The following FAM53A variants were observed in gnomAD, a reference collection of about 807,000 sequenced individuals.
FAM53A encodes family with sequence similarity 53 member A, also known as protein FAM53A.
FAM53A carries 28 observed loss-of-function variants against 26.6 expected under a neutral mutation model. The observed-to-expected ratio is 1.05, with a 90% CI of 0.78 to 1.45. FAM53A has a LOEUF of 1.45. Among genes scored for constraint, FAM53A ranks in the 40% most tolerant of loss-of-function variants. The probability of loss-of-function intolerance (pLI) is 0.00; values close to 1 mark genes in which losing one functional copy is unlikely to be tolerated. For synonymous variants in FAM53A, 290 were observed against 253.1 expected (o/e 1.15, Z -1.38); for missense variants, 650 against 575.8 (o/e 1.13, Z -1.32).
chr4:1,670,481 TGCA>T (rs1388295132), intron 1 of FAM53A, among the ~76,000 whole-genome samples: 1 of 152,228 alleles, frequency 6.6e-6, no homozygotes, highest in African/African-American at 2.4e-5. Flanking sequence ...GCAGGGTCTG[TGCA>T]CAGGTCCTGA....
intron 4 of FAM53A, among the ~76,000 whole-genome samples, chr4:1,649,359 G>A (rs1712547258): frequency 6.6e-6 from 1 of 152,244 alleles, no homozygotes; most frequent in African/African-American, 2.4e-5. Flanking sequence ...AGGGGTGGGA[G>A]GCACCAGAGC....
downstream of FAM53A, among the ~76,000 whole-genome samples, chr4:1,615,092 C>T (rs569659457): frequency 2.7e-5 from 4 of 147,756 alleles, no homozygotes; most frequent in Non-Finnish European, 6.0e-5. Flanking sequence ...GACACGACCA[C>T]GCCCACCTCA....
intron 1 of FAM53A, among the ~76,000 whole-genome samples, chr4:1,618,886 C>G (rs1316687336): frequency 2.6e-5 from 4 of 152,178 alleles, no homozygotes; most frequent in Non-Finnish European, 5.9e-5. Flanking sequence ...TCCACGGCCC[C>G]CCGAGGGCTC....
intron 3 of FAM53A, among the ~76,000 whole-genome samples, chr4:1,656,575 G>A (rs965670773): frequency 3.9e-5 from 6 of 152,102 alleles, no homozygotes; most frequent in Admixed American, 6.5e-5. Flanking sequence ...GAAGCGCTGC[G>A]GGGCTCTGAG....
intron 1 of FAM53A, among the ~76,000 whole-genome samples, chr4:1,679,079 A>G (rs1715228729): frequency 1.3e-5 from 2 of 152,330 alleles, no homozygotes; most frequent in South Asian, 2.1e-4. Context: ...AAGAGAATAA[A>G]AAACAGTTCC....
At chr4:1,638,683 G>A (rs1715960312), downstream of FAM53A, among the ~76,000 whole-genome samples, 1 of 152,164 alleles carries the variant, frequency 6.6e-6, no homozygotes, top group African/African-American at 2.4e-5. Context: ...GAGGGGTGGG[G>A]GGCGGCTGGT....
At chr4:1,657,371 T>G (rs774398707) in intron 3 of FAM53A, 37 bp downstream of exon 3, 1 of 1,595,796 alleles carries the variant, frequency 6.3e-7, no homozygotes, top group South Asian at 1.1e-5. Flanking sequence ...GTCCCAGCCC[T>G]GCTCAGGCCT....
chr4:1,668,022 C>G (rs1714362376), intron 2 of FAM53A, among the ~76,000 whole-genome samples: 1 of 152,214 alleles, frequency 6.6e-6, no homozygotes, highest in Non-Finnish European at 1.5e-5. Context: ...GGACAGGGAG[C>G]CTGGCGGGGT....
chr4:1,595,680 G>A, the FAM53A span, among the ~76,000 whole-genome samples: 6 of 152,332 alleles, frequency 3.9e-5, no homozygotes, highest in Admixed American at 1.3e-4. Context: ...CCAGCACCGC[G>A]GGAAGCGCCA....
intron 1 of FAM53A, among the ~76,000 whole-genome samples, chr4:1,629,426 C>T (rs904314835): frequency 2.6e-5 from 4 of 152,208 alleles, no homozygotes; most frequent in African/African-American, 7.2e-5. Context: ...TAGGGTGGCC[C>T]GAGTCAGTCC....
the FAM53A span, among the ~76,000 whole-genome samples, chr4:1,603,457 C>A: frequency 2.6e-5 from 4 of 152,188 alleles, no homozygotes; most frequent in African/African-American, 7.2e-5. Flanking sequence ...GGAGAGGACA[C>A]CCTGCTGACC....
chr4:1,655,074 A>G lies in FAM53A; in HGVS notation c.786T>C (p.Pro262=). 2 of 1,599,492 alleles carry G rather than the reference A, an allele frequency of 1.3e-6. No homozygotes were observed. Among genetic ancestry groups the G allele is most frequent in the Non-Finnish European group, 8.5e-7 (1 of 1,172,720 alleles). Residue 262 remains proline (P), a synonymous_variant, in exon 4 of 5, where the codon CCT becomes CCC. Transcript: ENST00000308132. ...GGCTCCTCTTCCCACTGAGCACGCA[A>G]GGCTGTGAGCGGCACCGGAGCAGCC... The part of the protein sequence containing the change: ...RRGLLRCRSQ[P]CVLSGKRSRR...
intron 4 of FAM53A, among the ~76,000 whole-genome samples, chr4:1,651,836 G>A (rs1206328528): frequency 7.2e-6 from 1 of 139,494 alleles, no homozygotes; most frequent in East Asian, 1.9e-4. Flanking sequence ...GGGGCTGCAT[G>A]GATCTGAGGG....
chr4:1,641,004 G>C lies in FAM53A; in HGVS notation c.*289C>G. ...ACAGGAAACCTACTCTGTGCCCCAG[G>C]GCAGGTGCCGGTGGCAGCCGTGGCC... On this transcript the variant is annotated 3_prime_UTR_variant, in exon 5 of 5. Transcript: ENST00000308132. 2.4e-6 allele frequency: 1 copy of C among 423,638 alleles called. No homozygotes were observed. The highest frequency in any genetic ancestry group is 2.1e-5 in the South Asian group (1 of 46,934). The allele number at this position is 423,638 out of a possible 1,614,324, so 26.2% of individuals were successfully genotyped here. A position where few individuals can be genotyped will look rare whatever the true frequency, so the allele number is the denominator to read the frequency against.
chr4:1,589,626 A>G, the FAM53A span, among the ~76,000 whole-genome samples: 8 of 151,898 alleles, frequency 5.3e-5, no homozygotes, highest in Non-Finnish European at 1.2e-4. Flanking sequence ...AGTCTTTTAC[A>G]TTTTCTGTTT....
At chr4:1,638,681 G>A (rs572731082), downstream of FAM53A, among the ~76,000 whole-genome samples, 11 of 152,126 alleles carry the variant, frequency 7.2e-5, no homozygotes, top group Non-Finnish European at 1.3e-4. Context: ...CGGAGGGGTG[G>A]GGGGCGGCTG....
the FAM53A span, among the ~76,000 whole-genome samples, chr4:1,609,869 G>A: frequency 6.6e-6 from 1 of 151,568 alleles, no homozygotes; most frequent in Non-Finnish European, 1.5e-5. Flanking sequence ...AGGCTAAGGT[G>A]GGAGAATCGC....
intron 2 of FAM53A, among the ~76,000 whole-genome samples, chr4:1,658,783 C>A (rs1048184205): frequency 6.6e-6 from 1 of 152,252 alleles, no homozygotes; most frequent in Non-Finnish European, 1.5e-5. Flanking sequence ...GAGGATGGGG[C>A]ACAGGAGGGG....
chr4:1,682,813 G>C (rs1715544024), intron 1 of FAM53A, among the ~76,000 whole-genome samples: 1 of 151,998 alleles, frequency 6.6e-6, no homozygotes, highest in African/African-American at 2.4e-5. Context: ...AAATTACTTT[G>C]GCATTTTCTC....
Sources: allele counts gnomAD v4.1 joint callset (sites outside exome capture counted in the v4.1 genomes callset), GRCh38; gene constraint gnomAD v4.1.1; transcripts MANE v1.5; gene names NCBI Gene and HGNC (gene_info 2026-07-23, HGNC 2026-07-21).